Variants in EPB41L3 observed in about 807,000 individuals in gnomAD.
EPB41L3 encodes erythrocyte membrane protein band 4.1 like 3, also known as band 4.1-like protein 3.
Under a neutral mutation model 127.1 loss-of-function variants are expected in EPB41L3, and 57 were observed. The ratio of observed to expected loss-of-function variants is 0.45; its 90% confidence interval spans 0.36 to 0.56. EPB41L3 has a LOEUF of 0.56. EPB41L3 is among the 20% of genes least tolerant of loss of function. EPB41L3 has a pLI of 0.00. For synonymous variants in EPB41L3, 572 were observed against 549.5 expected (o/e 1.04, Z -0.57); for missense variants, 1,273 against 1,372.2 (o/e 0.93, Z 1.14).
At chr18:5,501,156 G>A (rs913141145) in intron 1 of EPB41L3, among the ~76,000 whole-genome samples, 2 of 152,066 alleles carry the variant, frequency 1.3e-5, no homozygotes, top group South Asian at 2.1e-4. Context: ...CAATTCTATC[G>A]CTACAGAAAA....
chr18:5,416,153 G>T lies in EPB41L3; in HGVS notation c.1732C>A (p.Gln578Lys). 1 of 1,614,034 alleles carries T rather than the reference G, an allele frequency of 6.2e-7. No homozygotes were observed. The highest frequency in any genetic ancestry group is 2.2e-5 in the East Asian group (1 of 44,866). The change falls in exon 13 of 23, where the codon CAA becomes AAA. Residue 578 changes from glutamine to lysine, a missense_variant. This residue lies in a region of EPB41L3 where 765 missense variants were observed against 782.9 expected (regional missense o/e 0.98). Transcript: ENST00000341928. Reference protein sequence around the residue: ...DQDVAFSYRQQTGKGTTLFSF... With the variant: ...DQDVAFSYRQKTGKGTTLFSF... Reference sequence around the variant, plus strand: ...AACAGGGTGGTCCCCTTGCCAGTTTGCTGTCTGTAGCTAAAAGCCACATCT... The same window carrying T: ...AACAGGGTGGTCCCCTTGCCAGTTTTCTGTCTGTAGCTAAAAGCCACATCT...
At chr18:5,551,956 T>G (rs1447942024) in intron 3 of EPB41L3, among the ~76,000 whole-genome samples, 1 of 152,184 alleles carries the variant, frequency 6.6e-6, no homozygotes, top group East Asian at 1.9e-4. Flanking sequence ...AAGTGACTTT[T>G]AGGAGTAAAT....
upstream of EPB41L3, among the ~76,000 whole-genome samples, chr18:5,547,990 C>A (rs141331845): frequency 9.6e-4 from 147 of 152,344 alleles, no homozygotes; most frequent in African/African-American, 3.4e-3. Context: ...GCAAACCCTA[C>A]AAATGCCACC....
intron 3 of EPB41L3, among the ~76,000 whole-genome samples, chr18:5,570,017 A>C (rs973067611): frequency 2.6e-5 from 4 of 152,322 alleles, no homozygotes; most frequent in African/African-American, 9.6e-5. Flanking sequence ...AATTCTTACA[A>C]GGAGATATTA....
At chr18:5,538,616 G>T (rs528302552) in intron 1 of EPB41L3, among the ~76,000 whole-genome samples, 4 of 152,174 alleles carry the variant, frequency 2.6e-5, no homozygotes, top group Admixed American at 6.5e-5. Context: ...CCTCTCTTTA[G>T]TTGAATGCTA....
intron 11 of EPB41L3, 75 bp from the exon 12 acceptor site, chr18:5,419,952 A>G (rs1198836200): frequency 1.2e-6 from 2 of 1,610,374 alleles, no homozygotes; most frequent in Admixed American, 1.7e-5. Flanking sequence ...ATACAATTAA[A>G]GAAATAAAAT....
intron 3 of EPB41L3, among the ~76,000 whole-genome samples, chr18:5,611,982 A>C (rs910677208): frequency 6.6e-6 from 1 of 152,132 alleles, no homozygotes; most frequent in African/African-American, 2.4e-5. Flanking sequence ...TAAATTGTTA[A>C]GTTCTCAATC....
chr18:5,538,995 A>ATTT (rs757227800), intron 1 of EPB41L3, among the ~76,000 whole-genome samples: 15 of 115,190 alleles, frequency 1.3e-4, no homozygotes, highest in African/African-American at 3.4e-4. Flanking sequence ...TTTCTCCAAG[A>ATTT]TTTTTTTTTT....
At chr18:5,589,636 C>T (rs1292829732) in intron 3 of EPB41L3, among the ~76,000 whole-genome samples, 1 of 152,152 alleles carries the variant, frequency 6.6e-6, no homozygotes, top group Non-Finnish European at 1.5e-5. Context: ...CCCCAGTCTT[C>T]CCATACCTAT....
At chr18:5,421,120 G>T (rs1334881482) in intron 11 of EPB41L3, among the ~76,000 whole-genome samples, 1 of 152,162 alleles carries the variant, frequency 6.6e-6, no homozygotes, top group Non-Finnish European at 1.5e-5. Context: ...AGGAGTGAGA[G>T]ACAACACATA....
At chr18:5,629,771 C>G (rs2094970103), upstream of EPB41L3, among the ~76,000 whole-genome samples, 1 of 152,330 alleles carries the variant, frequency 6.6e-6, no homozygotes, top group African/African-American at 2.4e-5. Flanking sequence ...CCACTCGCGT[C>G]CAGCCCACAA....
At chr18:5,558,820 C>T (rs1219047896) in intron 3 of EPB41L3, among the ~76,000 whole-genome samples, 3 of 137,838 alleles carry the variant, frequency 2.2e-5, no homozygotes, top group East Asian at 3.8e-4. Flanking sequence ...AAATACATTA[C>T]TTTAATTTTC....
chr18:5,540,442 C>A, intron 1 of EPB41L3: 1 of 985,430 alleles, frequency 1.0e-6, no homozygotes, highest in Middle Eastern at 5.2e-4. Context: ...CCTGCCCCAC[C>A]CTTGTTTCCT....
upstream of EPB41L3, among the ~76,000 whole-genome samples, chr18:5,547,503 T>C (rs1396823249): frequency 6.6e-6 from 1 of 152,168 alleles, no homozygotes; most frequent in African/African-American, 2.4e-5. Flanking sequence ...AGCCTAGGTC[T>C]TAGGATGCCC....
At chr18:5,542,482 C>A (rs1433973446) in intron 1 of EPB41L3, among the ~76,000 whole-genome samples, 1 of 152,006 alleles carries the variant, frequency 6.6e-6, no homozygotes, top group South Asian at 2.1e-4. Context: ...CCCCACCCCC[C>A]CTCAACAAAA....
chr18:5,616,436 A>G (rs562564879), intron 1 of EPB41L3, among the ~76,000 whole-genome samples: 2 of 152,326 alleles, frequency 1.3e-5, no homozygotes, highest in South Asian at 4.1e-4. Context: ...TTTATGATGC[A>G]ATACAAGTGT....
intron 16 of EPB41L3, among the ~76,000 whole-genome samples, chr18:5,402,195 ATC>A (rs1266855811): frequency 1.3e-5 from 2 of 150,788 alleles, no homozygotes; most frequent in Admixed American, 1.3e-4. Context: ...AACAACAAAA[ATC>A]TCTATCCCAC....
intron 3 of EPB41L3, among the ~76,000 whole-genome samples, chr18:5,454,686 A>C (rs960969381): frequency 5.9e-5 from 9 of 152,220 alleles, no homozygotes; most frequent in African/African-American, 2.2e-4. Flanking sequence ...TCAAACATTC[A>C]TCAGTCAATC....
chr18:5,503,835 T>C (rs1857684973), intron 1 of EPB41L3, among the ~76,000 whole-genome samples: 1 of 152,246 alleles, frequency 6.6e-6, no homozygotes, highest in African/African-American at 2.4e-5. Context: ...GACTACACTC[T>C]TGAATTTTAA....
Sources: allele counts gnomAD v4.1 joint callset (sites outside exome capture counted in the v4.1 genomes callset), GRCh38; gene constraint gnomAD v4.1.1; regional missense constraint gnomAD v4.1.1; transcripts MANE v1.5; gene names NCBI Gene and HGNC (gene_info 2026-07-23, HGNC 2026-07-21).